Variants in AKR1C2 observed in about 807,000 individuals in gnomAD.
AKR1C2 encodes 3-alpha-HSD3.
Under a neutral mutation model 39.8 loss-of-function variants are expected in AKR1C2, and 27 were observed. That is an observed-to-expected ratio of 0.68 (90% CI 0.50 to 0.93). The LOEUF is 0.93. Among genes scored for constraint, AKR1C2 ranks in the 40% least tolerant of loss-of-function variants. The pLI, the probability that AKR1C2 is intolerant of heterozygous loss-of-function variation, is 0.00. For synonymous variants in AKR1C2, 114 were observed against 137.9 expected, an observed-to-expected ratio of 0.83 and a Z score of 1.22; for missense variants, 263 against 365.1, an observed-to-expected ratio of 0.72 and a Z score of 2.28.
chr10:5,011,211 G>T (rs1352318115), intron 1 of AKR1C2, among the ~76,000 whole-genome samples: 1 of 152,126 alleles, frequency 6.6e-6, no homozygotes. Flanking sequence ...AAGAGCAGAG[G>T]TTTCCCAACT....
Position 4,988,126 on chromosome 10 carries a change from G to T in AKR1C2, c.*1870C>A, listed in dbSNP as rs1362303902. 1 of 152,092 alleles carries T rather than the reference G, an allele frequency of 6.6e-6. No individual in the cohort carries two copies. Among genetic ancestry groups the T allele is most frequent in the African/African-American group, 2.4e-5 (1 of 41,410 alleles). The allele number at this position is 152,092 out of a possible 1,614,324, so 9.4% of individuals were successfully genotyped here. On this transcript the variant is annotated 3_prime_UTR_variant, in exon 9 of 9. Coordinates refer to ENST00000380753, the MANE Select transcript of AKR1C2 (RefSeq NM_001393392.1). ...ATGATTATTTCACATCTTGAAAAAA[G>T]AGTTACACGTGCTATAGAGATTTGA...
rs1836742872 is a variant in AKR1C2, at chr10:4,988,773, T to C, written c.*1223A>G. The C allele has an allele frequency of 6.6e-6, 1 of 150,944 alleles. No homozygotes were observed. The highest frequency in any genetic ancestry group is 2.1e-4 in the South Asian group (1 of 4,710). 9.4% of individuals were successfully genotyped at this position (150,944 alleles called of 1,614,324 possible). On this transcript the variant is annotated 3_prime_UTR_variant, in exon 9 of 9. Transcript: ENST00000380753. ...TGCTTTGATCATTAAGACATGAGAT[T>C]ATCCCAAGTTTTCAAAAGTGTTTTC...
intron 1 of AKR1C2, 110 bp from the exon 2 acceptor site, chr10:5,001,791 C>A: frequency 7.1e-7 from 1 of 1,401,326 alleles, no homozygotes; most frequent in Non-Finnish European, 9.9e-7. Context: ...CTTGGATGAG[C>A]TCTGTATGTA....
chr10:4,999,034 T>C (rs1170623361), intron 4 of AKR1C2, among the ~76,000 whole-genome samples, 166 bp downstream of exon 4: 3 of 152,188 alleles, frequency 2.0e-5, no homozygotes, highest in Non-Finnish European at 1.5e-5. Context: ...TTCTCTCTTT[T>C]GTATGCCTGT....
At chr10:5,011,554 G>A (rs1195462297) in intron 1 of AKR1C2, among the ~76,000 whole-genome samples, 1 of 152,184 alleles carries the variant, frequency 6.6e-6, no homozygotes, top group Non-Finnish European at 1.5e-5. Flanking sequence ...ACACAAGCAG[G>A]GCAATTTGAT....
rs1836721822 is a variant in AKR1C2, at chr10:4,988,119, GA to G, written c.*1876del. ...TGACCTAATGATTATTTCACATCTT[GA>G]AAAAAGAGTTACACGTGCTATAGAG... On this transcript the variant is annotated 3_prime_UTR_variant, in exon 9 of 9. Transcript: ENST00000380753. 1 of 151,988 alleles carries G rather than the reference GA, an allele frequency of 6.6e-6. No homozygotes were observed. The highest frequency in any genetic ancestry group is 1.5e-5 in the Non-Finnish European group (1 of 67,968). The allele number at this position is 151,988 out of a possible 1,614,324, so 9.4% of individuals were successfully genotyped here.
At chr10:5,012,963 T>C (rs1159302527) in intron 1 of AKR1C2, among the ~76,000 whole-genome samples, 1 of 152,246 alleles carries the variant, frequency 6.6e-6, no homozygotes, top group African/African-American at 2.4e-5. Flanking sequence ...ATTCTTTGAA[T>C]ACCTTCTACA....
At chr10:5,004,536 A>G (rs1181596786), upstream of AKR1C2, among the ~76,000 whole-genome samples, 1 of 152,218 alleles carries the variant, frequency 6.6e-6, no homozygotes, top group Non-Finnish European at 1.5e-5. Flanking sequence ...GTCTTTGGAT[A>G]TAATTTGTAA....
chr10:5,001,940 C>T (rs1837286788), intron 1 of AKR1C2, among the ~76,000 whole-genome samples: 1 of 152,174 alleles, frequency 6.6e-6, no homozygotes, highest in South Asian at 2.1e-4. Flanking sequence ...ATTTCACTTT[C>T]AGTGATTTTT....
At chr10:4,996,430 A>G (rs1470256643) in intron 5 of AKR1C2, among the ~76,000 whole-genome samples, 1 of 149,752 alleles carries the variant, frequency 6.7e-6, no homozygotes, top group Admixed American at 6.7e-5. Flanking sequence ...ATGGATTTGT[A>G]TGTTGATATC....
chr10:5,014,850 A>T (rs782098100), intron 1 of AKR1C2: 1 of 152,226 alleles, frequency 6.6e-6, no homozygotes, highest in Non-Finnish European at 1.5e-5. Context: ...CTCTGTGTGC[A>T]TGGGCTATCA....
intron 3 of AKR1C2, 112 bp downstream of exon 3, chr10:5,000,438 C>T (rs111868886): frequency 1.9e-6 from 3 of 1,599,010 alleles, no homozygotes; most frequent in Non-Finnish European, 1.7e-6. Flanking sequence ...GCTCTTCTTC[C>T]ATGTTAAAAT....
intron 5 of AKR1C2, among the ~76,000 whole-genome samples, chr10:4,996,334 A>G (rs1837037574): frequency 2.0e-5 from 3 of 151,806 alleles, no homozygotes; most frequent in South Asian, 4.2e-4. Flanking sequence ...TATGATATAT[A>G]TCTATATAGA....
intron 1 of AKR1C2, among the ~76,000 whole-genome samples, chr10:5,002,381 T>C (rs1837300377): frequency 6.6e-6 from 1 of 152,176 alleles, no homozygotes; most frequent in Non-Finnish European, 1.5e-5. Context: ...ATATTGGAAA[T>C]AGGCACATCT....
chr10:4,989,959 A>C lies in AKR1C2; in HGVS notation c.*37T>G. The C allele has an allele frequency of 6.5e-7, 1 of 1,548,608 alleles. No individual in the cohort carries two copies. Among genetic ancestry groups the C allele is most frequent in the South Asian group, 1.1e-5 (1 of 88,666 alleles). On this transcript the variant is annotated 3_prime_UTR_variant, in exon 9 of 9. Transcript: ENST00000380753. Reference sequence around the variant, plus strand: ...ATCCTCTGTGTCACCATCCACACGCAGGGCCTTCTGGCAGACCTCATGCAA... The same window carrying C: ...ATCCTCTGTGTCACCATCCACACGCCGGGCCTTCTGGCAGACCTCATGCAA...
At chr10:5,011,180 T>C (rs1837515585) in intron 1 of AKR1C2, among the ~76,000 whole-genome samples, 1 of 152,050 alleles carries the variant, frequency 6.6e-6, no homozygotes, top group African/African-American at 2.4e-5. Flanking sequence ...AAAACCCAAA[T>C]AACCTCTTTA....
At chr10:5,011,360 T>C (rs1837519085) in intron 1 of AKR1C2, among the ~76,000 whole-genome samples, 1 of 152,166 alleles carries the variant, frequency 6.6e-6, no homozygotes, top group Non-Finnish European at 1.5e-5. Flanking sequence ...ATAGCTACAC[T>C]AAAAGCCCAG....
chr10:5,008,085 C>T (rs746698464), upstream of AKR1C2, among the ~76,000 whole-genome samples: 17 of 151,498 alleles, frequency 1.1e-4, no homozygotes, highest in Middle Eastern at 3.2e-3. Context: ...AGTTTAATGC[C>T]CATGGCTTTT....
intron 1 of AKR1C2, among the ~76,000 whole-genome samples, chr10:5,016,162 T>G (rs1837635633): frequency 6.6e-6 from 1 of 152,116 alleles, no homozygotes; most frequent in East Asian, 1.9e-4. Context: ...CCCTTCCAAA[T>G]CTCACATTCT....
Sources: allele counts gnomAD v4.1 joint callset (sites outside exome capture counted in the v4.1 genomes callset), GRCh38; gene constraint gnomAD v4.1.1; transcripts MANE v1.5; gene names NCBI Gene and HGNC (gene_info 2026-07-23, HGNC 2026-07-21).